Variants in UBE2E1 observed in about 807,000 individuals in gnomAD.
The protein encoded by UBE2E1 is ubiquitin conjugating enzyme E2 E1.
UBE2E1 carries 6 observed loss-of-function variants against 21.4 expected under a neutral mutation model. The observed-to-expected ratio is 0.28, with a 90% confidence interval of 0.15 to 0.55. The LOEUF is 0.55. UBE2E1 is among the 20% of genes least tolerant of loss of function. The pLI is 0.93. For missense variants in UBE2E1, 142 were observed against 236.5 expected, an observed-to-expected ratio of 0.60 and a Z score of 2.62; for synonymous variants, 87 against 82.7, an observed-to-expected ratio of 1.05 and a Z score of -0.28.
rs968088767 is a variant in UBE2E1, at chr3:23,836,309, A to T, written c.203+24799A>T. Among the ~76,000 whole-genome samples the T allele has an allele frequency of 6.6e-6, 1 of 152,242 alleles. No homozygotes were observed. The highest frequency in any genetic ancestry group is 1.5e-5 in the Non-Finnish European group (1 of 68,048). On this transcript the variant is annotated intron_variant, in intron 3 of 5. Coordinates refer to ENST00000306627, the MANE Select transcript of UBE2E1 (RefSeq NM_003341.5). This position sits in a 1 kb window ranked among gnomAD's most constrained non-coding sequence, Gnocchi z 4.1. ...CTGATTTAGAATGCTATATAAAAAAAGAGTTTCTCTTTTCACTTAGTCCTC... is the reference window on the plus strand; with the variant it reads ...CTGATTTAGAATGCTATATAAAAAATGAGTTTCTCTTTTCACTTAGTCCTC...
At chr3:23,850,348 G>T (rs535449759) in intron 3 of UBE2E1, among the ~76,000 whole-genome samples, 12 of 152,068 alleles carry the variant, frequency 7.9e-5, no homozygotes, top group African/African-American at 2.7e-4. Context: ...TTAGATACAT[G>T]ATTTACAAGT....
chr3:23,817,748 G>C (rs781504317), intron 3 of UBE2E1, among the ~76,000 whole-genome samples: 14 of 152,090 alleles, frequency 9.2e-5, no homozygotes, highest in Non-Finnish European at 1.8e-4. Flanking sequence ...GACAGAAAAA[G>C]GGCACTATTG....
intron 2 of UBE2E1, among the ~76,000 whole-genome samples, chr3:23,809,775 T>C (rs190189355): frequency 6.6e-6 from 1 of 152,322 alleles, no homozygotes; most frequent in Non-Finnish European, 1.5e-5. Context: ...TGTGTAGGTC[T>C]TAAAATACAG....
At chr3:23,832,893 A>T (rs1699899355) in intron 3 of UBE2E1, among the ~76,000 whole-genome samples, 1 of 151,766 alleles carries the variant, frequency 6.6e-6, no homozygotes, top group Non-Finnish European at 1.5e-5. Context: ...AAAATAATCC[A>T]GGTGTGGTGG....
At chr3:23,814,882 C>G (rs541611736) in intron 3 of UBE2E1, among the ~76,000 whole-genome samples, 23 of 152,228 alleles carry the variant, frequency 1.5e-4, no homozygotes, top group Non-Finnish European at 3.1e-4. Flanking sequence ...GTAAATGTCT[C>G]AGTGACTTAA....
At chr3:23,815,665 A>G (rs780275444) in intron 3 of UBE2E1, among the ~76,000 whole-genome samples, 7 of 152,230 alleles carry the variant, frequency 4.6e-5, no homozygotes, top group Non-Finnish European at 8.8e-5. Flanking sequence ...TTTTCTTGCA[A>G]CAGTGGAGTG....
intron 5 of UBE2E1, 116 bp downstream of exon 5, chr3:23,889,375 C>A: frequency 1.3e-6 from 2 of 1,539,948 alleles, no homozygotes; most frequent in Admixed American, 2.1e-5. Context: ...AATACAAAAA[C>A]TAATCGGCTT....
chr3:23,883,498 A>T (rs550254554), intron 3 of UBE2E1, among the ~76,000 whole-genome samples: 1 of 152,334 alleles, frequency 6.6e-6, no homozygotes, highest in East Asian at 1.9e-4. Flanking sequence ...ATGAGAACTT[A>T]GGAAACAAAT....
At chr3:23,809,063 G>C (rs915876663) in intron 2 of UBE2E1, among the ~76,000 whole-genome samples, 1 of 152,238 alleles carries the variant, frequency 6.6e-6, no homozygotes, top group African/African-American at 2.4e-5. Flanking sequence ...AACAAGTTAA[G>C]AATTTATTTG....
chr3:23,824,565 T>G (rs1699714240), intron 3 of UBE2E1, among the ~76,000 whole-genome samples: 1 of 152,250 alleles, frequency 6.6e-6, no homozygotes, highest in Non-Finnish European at 1.5e-5. Context: ...GCAGTCATCT[T>G]TCAGTTCTGT....
intron 2 of UBE2E1, 84 bp from the exon 3 acceptor site, chr3:23,811,376 A>C (rs540787907): frequency 7.6e-6 from 10 of 1,317,690 alleles, no homozygotes; most frequent in South Asian, 1.2e-5. Context: ...GCTTAGGTTT[A>C]TCTGCAGACC....
Position 23,876,522 on chromosome 3 carries a change from TAA to T in UBE2E1, c.204-11043_204-11042del, listed in dbSNP as rs758071995. Among the ~76,000 whole-genome samples, 7 of 152,302 alleles carry T rather than the reference TAA, an allele frequency of 4.6e-5. No homozygotes were observed. The highest frequency in any genetic ancestry group is 8.8e-5 in the Non-Finnish European group (6 of 68,036). On this transcript the variant is annotated intron_variant, in intron 3 of 5. Transcript: ENST00000306627. This position sits in a 1 kb window ranked among gnomAD's most constrained non-coding sequence, Gnocchi z 4.3. ...TATGAATTTCTTAGCAATAGAAGAG[TAA>T]ATCAGGAGTGGATTTTTAGTAGTGT...
chr3:23,831,467 A>G (rs1414118398), intron 3 of UBE2E1, among the ~76,000 whole-genome samples: 1 of 151,926 alleles, frequency 6.6e-6, no homozygotes, highest in East Asian at 1.9e-4. Context: ...AAGGGTCCAG[A>G]TGACACTAAT....
rs185067185 is a variant in UBE2E1 at position 23,810,097 on chromosome 3, T to G, written c.153-1363T>G. 4.4e-4 allele frequency among the ~76,000 whole-genome samples: 67 copies of G among 152,296 alleles called. 1 individual carries two copies. Among genetic ancestry groups the G allele is most frequent in the African/African-American group, 1.6e-3 (66 of 41,562 alleles). ...CCGTCCTCCTACCCGCAGAAAACCT[T>G]TGGAAAGGAAAACGTATCCTTTGTG... is the stretch of plus-strand genomic sequence containing the variant. On this transcript the variant is annotated intron_variant, in intron 2 of 5. Coordinates refer to ENST00000306627, the MANE Select transcript of UBE2E1 (RefSeq NM_003341.5). The surrounding 1 kb of genome is among the most constrained non-coding windows in gnomAD (Gnocchi z 5.8).
At position 23,887,461 on chromosome 3, in the gene UBE2E1, C is replaced by G. The variant is rs2125330911; in HGVS notation, c.204-106C>G. On this transcript the variant is annotated intron_variant, in intron 3 of 5. Coordinates refer to ENST00000306627, the MANE Select transcript of UBE2E1 (RefSeq NM_003341.5). The surrounding 1 kb of genome is among the most constrained non-coding windows in gnomAD (Gnocchi z 4.4). ...ACTTGTTTTGTAAAGAGAATCCACA[C>G]AGTAAACAAAAGAGAGGAGAGAGGT... 1 of 1,415,696 alleles carries G rather than the reference C, an allele frequency of 7.1e-7. No homozygotes were observed. 87.7% of individuals were successfully genotyped at this position (1,415,696 alleles called of 1,614,324 possible). A position where few individuals can be genotyped will look rare whatever the true frequency, so the allele number is the denominator to read the frequency against.
chr3:23,843,196 A>T (rs977695068), intron 3 of UBE2E1, among the ~76,000 whole-genome samples: 2 of 152,122 alleles, frequency 1.3e-5, no homozygotes, highest in Non-Finnish European at 2.9e-5. Flanking sequence ...TGACAGGGAC[A>T]GAGGCAAGAC....
chr3:23,831,760 G>A (rs913636099), intron 3 of UBE2E1, among the ~76,000 whole-genome samples: 12 of 151,454 alleles, frequency 7.9e-5, no homozygotes, highest in South Asian at 4.2e-4. Context: ...GCAGTGGTGC[G>A]ATCTCAGCTC....
intron 2 of UBE2E1, among the ~76,000 whole-genome samples, chr3:23,809,921 G>A (rs1323457737): frequency 6.6e-6 from 1 of 152,154 alleles, no homozygotes; most frequent in African/African-American, 2.4e-5. Flanking sequence ...AATTTAGCAG[G>A]ACACAAATAC....
intron 3 of UBE2E1, among the ~76,000 whole-genome samples, chr3:23,828,415 C>T (rs1699798982): frequency 6.6e-6 from 1 of 152,100 alleles, no homozygotes; most frequent in African/African-American, 2.4e-5. Flanking sequence ...AGAAGATACA[C>T]AGTATACTTA....
Sources: gnomAD v4.1 joint callset for allele counts (sites outside exome capture counted in the v4.1 genomes callset) on GRCh38, gnomAD v4.1.1 for gene constraint, Gnocchi (gnomAD v3.1) non-coding constraint, MANE v1.5 for transcripts, NCBI Gene and HGNC (gene_info 2026-07-23, HGNC 2026-07-21) for gene names.